Variants in DKK3 observed in about 807,000 individuals in gnomAD.
The protein encoded by DKK3 is dickkopf Wnt signaling pathway inhibitor 3, also known as dickkopf-related protein 3.
DKK3 carries 22 observed loss-of-function variants against 33.2 expected under a neutral mutation model. That is an observed-to-expected ratio of 0.66 (90% CI 0.47 to 0.95). The LOEUF is 0.95. Among genes scored for constraint, DKK3 ranks in the 40% least tolerant of loss-of-function variants. The pLI, the probability that DKK3 is intolerant of heterozygous loss-of-function variation, is 0.00. For missense variants in DKK3, 398 were observed against 458.4 expected (o/e 0.87, Z 1.20); for synonymous variants, 194 against 188.8 (o/e 1.03, Z -0.23).
chr11:11,994,106 A>G (rs1478309908), intron 3 of DKK3, among the ~76,000 whole-genome samples: 1 of 152,226 alleles, frequency 6.6e-6, no homozygotes, highest in Non-Finnish European at 1.5e-5. Context: ...GCCCGAGGCT[A>G]CAAATGTCAG....
At chr11:11,989,727 C>G (rs574590185) in intron 3 of DKK3, among the ~76,000 whole-genome samples, 5 of 152,170 alleles carry the variant, frequency 3.3e-5, no homozygotes, top group South Asian at 2.1e-4. Flanking sequence ...ATATTATATA[C>G]ATTTTATCAC....
At chr11:11,968,515 G>A (rs1564907200) in intron 3 of DKK3, 28 bp from the exon 4 acceptor site, 2 of 1,603,342 alleles carry the variant, frequency 1.2e-6, no homozygotes, top group Non-Finnish European at 1.7e-6. Flanking sequence ...GAGCAGATGT[G>A]TCAATGGAGA....
intron 6 of DKK3, among the ~76,000 whole-genome samples, chr11:11,965,258 G>A (rs1847560726): frequency 6.6e-6 from 1 of 152,234 alleles, no homozygotes; most frequent in African/African-American, 2.4e-5. Flanking sequence ...ACAGAGCCGT[G>A]GGGAATGGGA....
chr11:12,008,603 C>T lies in DKK3; in HGVS notation c.-21G>A. On this transcript the variant is annotated 5_prime_UTR_variant, in exon 1 of 7. Transcript: ENST00000683431. This position sits in a 1 kb window ranked among gnomAD's most constrained non-coding sequence, Gnocchi z 4.6. ...TGCATCTCCGCTCTGCGCCCGCAGCCGCCGCCTGTGTGTCCCGGAACGCGA... is the reference window on the plus strand; with the variant it reads ...TGCATCTCCGCTCTGCGCCCGCAGCTGCCGCCTGTGTGTCCCGGAACGCGA... The T allele has an allele frequency of 7.2e-7, 1 of 1,379,432 alleles. No homozygotes were observed. Among genetic ancestry groups the T allele is most frequent in the Admixed American group, 3.6e-5 (1 of 28,136 alleles). The allele number at this position is 1,379,432 out of a possible 1,614,324, so 85.4% of individuals were successfully genotyped here. A position where few individuals can be genotyped will look rare whatever the true frequency, so the allele number is the denominator to read the frequency against.
chr11:11,969,632 G>A (rs899651016), intron 3 of DKK3, among the ~76,000 whole-genome samples: 1 of 151,490 alleles, frequency 6.6e-6, no homozygotes, highest in African/African-American at 2.4e-5. Flanking sequence ...GAAGGGTCTT[G>A]AGGAAGGGAA....
Position 12,008,499 on chromosome 11 carries a change from G to C in DKK3, c.84C>G (p.Thr28=). ...PTAPAPAPTA[T]SAPVKPGPAL... ...CCGGGCCGGGCTTGACTGGAGCCGA[G>C]GTCGCCGTCGGAGCGGGCGCGGGGG... The change falls in exon 1 of 7, where the codon ACC becomes ACG. Residue 28 remains threonine, a synonymous_variant. Transcript: ENST00000683431. The surrounding 1 kb of genome is among the most constrained non-coding windows in gnomAD (Gnocchi z 4.6). 6.3e-7 allele frequency: 1 copy of C among 1,596,448 alleles called. No homozygotes were observed. Among genetic ancestry groups the C allele is most frequent in the East Asian group, 2.2e-5 (1 of 44,602 alleles).
intron 3 of DKK3, 51 bp from the exon 4 acceptor site, chr11:11,968,538 G>A: frequency 6.5e-7 from 1 of 1,548,204 alleles, no homozygotes; most frequent in Non-Finnish European, 8.8e-7. Context: ...AGAGCAGCAG[G>A]CCCACAGTGC....
At chr11:11,990,732 C>T (rs575001458) in intron 3 of DKK3, among the ~76,000 whole-genome samples, 33 of 152,314 alleles carry the variant, frequency 2.2e-4, no homozygotes, top group Admixed American at 3.9e-4. Context: ...AATTGTTTAG[C>T]GTTCCTCCAA....
intron 5 of DKK3, among the ~76,000 whole-genome samples, 192 bp from the exon 6 acceptor site, chr11:11,966,157 T>C (rs1315563323): frequency 6.6e-6 from 1 of 152,196 alleles, no homozygotes; most frequent in African/African-American, 2.4e-5. Context: ...TTGGTAGGGC[T>C]GAAGCAGGGA....
chr11:11,978,859 T>C (rs1847895412), intron 3 of DKK3: 1 of 152,258 alleles, frequency 6.6e-6, no homozygotes, highest in Non-Finnish European at 1.5e-5. Context: ...GAGAGGGCTG[T>C]TACTATTCCT....
At chr11:11,969,179 C>T (rs1234228193) in intron 3 of DKK3, among the ~76,000 whole-genome samples, 1 of 152,172 alleles carries the variant, frequency 6.6e-6, no homozygotes, top group Non-Finnish European at 1.5e-5. Context: ...AGTCACAGAA[C>T]AGGGAGCCAT....
At chr11:11,991,864 C>G (rs1031020439) in intron 3 of DKK3, among the ~76,000 whole-genome samples, 5 of 152,204 alleles carry the variant, frequency 3.3e-5, no homozygotes, top group African/African-American at 1.2e-4. Context: ...CCGTAGAGAA[C>G]TGTCTCCCAA....
rs116444203 is a variant in DKK3 at position 11,981,949 on chromosome 11, A to G, written c.436-13462T>C. ...TATGAACCTGAGGACTTTTCATAAG[A>G]TATCTGTCCTTGTGGATGTCCTGGT... On this transcript the variant is annotated intron_variant, in intron 3 of 6. Transcript: ENST00000683431. 6.8e-3 allele frequency among the ~76,000 whole-genome samples: 1,033 copies of G among 152,136 alleles called. 12 individuals carry two copies. The highest frequency in any genetic ancestry group is 0.023 in the African/African-American group (942 of 41,476).
upstream of DKK3, chr11:12,009,053 G>A: frequency 1.0e-6 from 1 of 986,902 alleles, no homozygotes; most frequent in Non-Finnish European, 1.2e-6. Context: ...GGTGGACCAA[G>A]CACAGGTCAG....
chr11:11,980,665 G>A (rs1452157445), intron 3 of DKK3, among the ~76,000 whole-genome samples: 2 of 152,208 alleles, frequency 1.3e-5, no homozygotes, highest in African/African-American at 4.8e-5. Flanking sequence ...GGCAACTAGC[G>A]CCTCTCTCCT....
intron 1 of DKK3, among the ~76,000 whole-genome samples, chr11:12,006,622 G>C (rs1185161403): frequency 6.6e-6 from 1 of 152,202 alleles, no homozygotes; most frequent in Non-Finnish European, 1.5e-5. Context: ...CATCTAGAGG[G>C]AGGAAAGCTG....
At chr11:12,000,000 C>A (rs1848388888) in intron 2 of DKK3, among the ~76,000 whole-genome samples, 1 of 152,170 alleles carries the variant, frequency 6.6e-6, no homozygotes, top group Non-Finnish European at 1.5e-5. Context: ...ATAGAATTAA[C>A]CAATGTCATA....
chr11:11,983,838 C>A (rs1449095983), intron 3 of DKK3, among the ~76,000 whole-genome samples: 5 of 152,272 alleles, frequency 3.3e-5, no homozygotes, highest in Admixed American at 2.0e-4. Flanking sequence ...AATGCCTATA[C>A]AACAATGCTG....
Position 12,002,407 on chromosome 11 carries a change from A to G in DKK3, c.244T>C (p.Ser82Pro). The G allele has an allele frequency of 1.2e-6, 2 of 1,613,832 alleles. No individual in the cohort carries two copies. Among genetic ancestry groups the G allele is most frequent in the African/African-American group, 1.3e-5 (1 of 75,002 alleles). ...MEAEEAAAKA[S>P]SEVNLANLPP... is the part of the protein sequence containing the mutation. ...AAGTTTGCCAGGTTCACTTCTGATG[A>G]TGCTTTAGCAGCAGCTTCTTCTGCC... The change falls in exon 2 of 7, where the codon TCA (serine) becomes CCA (proline). Residue 82 changes from serine to proline, a missense_variant. Coordinates refer to ENST00000683431, the MANE Select transcript of DKK3 (RefSeq NM_001018057.2).
Sources: allele counts gnomAD v4.1 joint callset (sites outside exome capture counted in the v4.1 genomes callset), GRCh38; gene constraint gnomAD v4.1.1; non-coding constraint Gnocchi (gnomAD v3.1); transcripts MANE v1.5; gene names NCBI Gene and HGNC (gene_info 2026-07-23, HGNC 2026-07-21).